The following CDH13 variants were observed in gnomAD, a reference collection of about 807,000 sequenced individuals.
The protein encoded by CDH13 is cadherin-13.
Under a neutral mutation model 63.8 loss-of-function variants are expected in CDH13, and 24 were observed. The ratio of observed to expected loss-of-function variants is 0.38; its 90% CI spans 0.27 to 0.53. The LOEUF (loss-of-function observed/expected upper bound fraction) is 0.53. Ranked by LOEUF, CDH13 falls within the 20% of genes least tolerant of loss-of-function variation. The pLI, the probability that CDH13 is intolerant of heterozygous loss-of-function variation, is 0.85. For missense variants in CDH13, 1,049 were observed against 903.1 expected (o/e 1.16, Z -2.07); for synonymous variants, 503 against 355.3 (o/e 1.42, Z -4.67).
intron 1 of CDH13, among the ~76,000 whole-genome samples, chr16:82,813,148 G>C (rs913487125): frequency 3.9e-5 from 6 of 152,136 alleles, no homozygotes; most frequent in Admixed American, 2.6e-4. Flanking sequence ...TGGAAATTCA[G>C]GTGTTCAGTT....
At chr16:82,642,155 C>A (rs979155127) in intron 1 of CDH13, among the ~76,000 whole-genome samples, 1 of 150,332 alleles carries the variant, frequency 6.7e-6, no homozygotes, top group East Asian at 1.9e-4. Flanking sequence ...GGGCCCACTG[C>A]AGCCTAACAC....
intron 4 of CDH13, among the ~76,000 whole-genome samples, chr16:83,181,531 C>G (rs1178583866): frequency 6.6e-6 from 1 of 152,204 alleles, no homozygotes; most frequent in East Asian, 1.9e-4. Context: ...CAAAAATACC[C>G]TCAGTTATGT....
intron 4 of CDH13, among the ~76,000 whole-genome samples, chr16:83,165,845 G>T (rs919930830): frequency 1.3e-5 from 2 of 152,102 alleles, no homozygotes; most frequent in Admixed American, 1.3e-4. Context: ...TGGAGGAATG[G>T]TGGAAAGAGA....
chr16:82,722,617 T>G (rs1006018846), intron 1 of CDH13, among the ~76,000 whole-genome samples: 1 of 152,078 alleles, frequency 6.6e-6, no homozygotes, highest in Non-Finnish European at 1.5e-5. Context: ...TGAGGTGATT[T>G]CCCAAAGACC....
intron 7 of CDH13, among the ~76,000 whole-genome samples, chr16:83,586,889 T>C: frequency 6.6e-6 from 1 of 152,232 alleles, no homozygotes; most frequent in Non-Finnish European, 1.5e-5. Flanking sequence ...TGTGATTTTT[T>C]TTCCCTCAGA....
At chr16:83,571,678 C>A (rs1904636717) in intron 7 of CDH13, among the ~76,000 whole-genome samples, 1 of 152,138 alleles carries the variant, frequency 6.6e-6, no homozygotes, top group Admixed American at 6.5e-5. Flanking sequence ...CTGAGGAGGA[C>A]CAGGGGTAAA....
At chr16:83,000,193 T>A (rs1912712951) in intron 2 of CDH13, among the ~76,000 whole-genome samples, 1 of 147,542 alleles carries the variant, frequency 6.8e-6, no homozygotes, top group African/African-American at 2.5e-5. Context: ...GTAAATGCCT[T>A]GTCCCTAGGA....
intron 4 of CDH13, among the ~76,000 whole-genome samples, chr16:83,208,601 A>G (rs932894817): frequency 2.0e-5 from 3 of 152,266 alleles, no homozygotes; most frequent in East Asian, 1.9e-4. Context: ...GGCTCATTTT[A>G]TAAAACTGAA....
chr16:83,033,494 T>A (rs892298450), intron 3 of CDH13, among the ~76,000 whole-genome samples: 2 of 152,290 alleles, frequency 1.3e-5, no homozygotes, highest in East Asian at 3.9e-4. Flanking sequence ...GGCATACACA[T>A]ACTATATATG....
intron 10 of CDH13, among the ~76,000 whole-genome samples, chr16:83,707,655 G>C (rs1337778266): frequency 1.3e-5 from 2 of 151,878 alleles, no homozygotes; most frequent in African/African-American, 4.8e-5. Context: ...TCAGCTCTTA[G>C]ATTCCCCGTG....
chr16:82,945,162 G>T (rs1433094662), intron 2 of CDH13, among the ~76,000 whole-genome samples: 2 of 152,166 alleles, frequency 1.3e-5, no homozygotes, highest in Non-Finnish European at 2.9e-5. Context: ...ATGTAAATAA[G>T]TGTTGGCAAA....
intron 1 of CDH13, chr16:82,825,334 A>C (rs1184856844): frequency 6.6e-6 from 1 of 152,114 alleles, no homozygotes; most frequent in Non-Finnish European, 1.5e-5. Flanking sequence ...ACCCGAATTC[A>C]CCAGGAAAAT....
intron 6 of CDH13, among the ~76,000 whole-genome samples, chr16:83,370,837 A>G (rs1011422403): frequency 6.6e-6 from 1 of 152,206 alleles, no homozygotes; most frequent in African/African-American, 2.4e-5. Context: ...ATTCCACATT[A>G]TATATGTACC....
chr16:82,714,766 G>A (rs1052005054), intron 1 of CDH13, among the ~76,000 whole-genome samples: 1 of 141,468 alleles, frequency 7.1e-6, no homozygotes, highest in Non-Finnish European at 1.5e-5. Flanking sequence ...GAGAACTTGT[G>A]TGATGATGGA....
At chr16:83,251,589 A>T (rs546679868) in intron 5 of CDH13, among the ~76,000 whole-genome samples, 2 of 152,312 alleles carry the variant, frequency 1.3e-5, no homozygotes, top group East Asian at 3.9e-4. Context: ...GAATGTCAGG[A>T]GGCAGCAGAG....
chr16:83,154,899 G>C (rs1353234065), intron 4 of CDH13, among the ~76,000 whole-genome samples: 2 of 152,064 alleles, frequency 1.3e-5, no homozygotes, highest in African/African-American at 2.4e-5. Context: ...TATTCAAAGT[G>C]GTTCTTGCAA....
chr16:83,340,631 G>A (rs182878276), intron 5 of CDH13, among the ~76,000 whole-genome samples: 27 of 152,234 alleles, frequency 1.8e-4, no homozygotes, highest in Non-Finnish European at 3.1e-4. Flanking sequence ...TCCTCTGTAG[G>A]ATCTAGACAG....
At chr16:82,976,310 G>C (rs1369084313) in intron 2 of CDH13, among the ~76,000 whole-genome samples, 1 of 151,996 alleles carries the variant, frequency 6.6e-6, no homozygotes, top group Non-Finnish European at 1.5e-5. Flanking sequence ...GCCCAGGTGG[G>C]GGCCGATTCT....
chr16:82,866,868 G>A (rs952783344), intron 2 of CDH13, among the ~76,000 whole-genome samples: 2 of 152,106 alleles, frequency 1.3e-5, no homozygotes, highest in African/African-American at 4.8e-5. Flanking sequence ...CAGCATAGAG[G>A]AAACCACCTC....
Sources: allele counts gnomAD v4.1 joint callset (sites outside exome capture counted in the v4.1 genomes callset), GRCh38; gene constraint gnomAD v4.1.1; transcripts MANE v1.5; gene names NCBI Gene and HGNC (gene_info 2026-07-23, HGNC 2026-07-21).